PPM1H: variants seen among roughly 807,000 people sequenced by gnomAD.
PPM1H encodes the protein protein phosphatase, Mg2+/Mn2+ dependent 1H, also known as protein phosphatase 1H.
A neutral mutation model predicts 54.9 loss-of-function variants in PPM1H; 27 were observed. The ratio of observed to expected loss-of-function variants is 0.49; its 90% CI spans 0.36 to 0.68. The LOEUF (loss-of-function observed/expected upper bound fraction) is 0.68, where lower values mean the gene tolerates loss of function less well. PPM1H is among the 30% of genes least tolerant of loss of function. The pLI, the probability that PPM1H is intolerant of heterozygous loss-of-function variation, is 0.00. For synonymous variants in PPM1H, 305 were observed against 270.8 expected (o/e 1.13, Z -1.24); for missense variants, 596 against 667.8 (o/e 0.89, Z 1.19).
intron 9 of PPM1H, chr12:62,659,032 G>A (rs1474504513): frequency 2.8e-6 from 2 of 725,722 alleles, no homozygotes; most frequent in South Asian, 2.7e-5. Context: ...ATGCTGCCCA[G>A]TGGCTTCCGG....
Position 62,846,514 on chromosome 12 carries a change from T to TAAA in PPM1H, c.246-14236_246-14235insTTT, listed in dbSNP as rs1565807943. ...GATTCCGCCTCAAAAAAAAAAAAATTTTTTTTTTTTTTAACTTTTTAGCTT... is the reference window on the plus strand; with the variant it reads ...GATTCCGCCTCAAAAAAAAAAAAATTAAATTTTTTTTTTTTAACTTTTTAGCTT... On this transcript the variant is annotated intron_variant, in intron 1 of 9. Coordinates refer to ENST00000228705, the MANE Select transcript of PPM1H (RefSeq NM_020700.2). Among the ~76,000 whole-genome samples the TAAA allele has an allele frequency of 2.5e-3, 342 of 136,222 alleles. 1 individual carries two copies. The highest frequency in any genetic ancestry group is 8.7e-3 in the African/African-American group (323 of 37,026). 89.4% of individuals were successfully genotyped at this position (136,222 alleles called of 152,430 possible).
At chr12:62,924,921 T>C (rs1328520612) in intron 1 of PPM1H, among the ~76,000 whole-genome samples, 1 of 152,016 alleles carries the variant, frequency 6.6e-6, no homozygotes, top group East Asian at 1.9e-4. Flanking sequence ...CGCATGCCTG[T>C]GGTCGCAGCT....
chr12:62,775,933 T>C (rs7297013), intron 4 of PPM1H, among the ~76,000 whole-genome samples: 30,920 of 152,164 alleles, frequency 0.2, 3,955 homozygotes, highest in African/African-American at 0.36. Context: ...CGACTCACAG[T>C]TCCACATGGC....
At chr12:62,872,787 C>T (rs909002769) in intron 1 of PPM1H, among the ~76,000 whole-genome samples, 4 of 152,040 alleles carry the variant, frequency 2.6e-5, no homozygotes, top group Non-Finnish European at 4.4e-5. Context: ...ACTCTAACTG[C>T]AAATGAAATT....
chr12:62,858,989 G>A (rs1217237020), intron 1 of PPM1H, among the ~76,000 whole-genome samples: 2 of 152,040 alleles, frequency 1.3e-5, no homozygotes, highest in Non-Finnish European at 2.9e-5. Flanking sequence ...CTCATTATTT[G>A]CTTCATACTA....
intron 1 of PPM1H, among the ~76,000 whole-genome samples, chr12:62,917,329 A>G (rs1162220556): frequency 6.6e-6 from 1 of 152,268 alleles, no homozygotes; most frequent in Admixed American, 6.5e-5. Context: ...ACCTACAGAC[A>G]ACTTGGGGCT....
At chr12:62,737,668 C>G in intron 4 of PPM1H, 82 bp from the exon 5 acceptor site, 2 of 951,136 alleles carry the variant, frequency 2.1e-6, no homozygotes, top group Non-Finnish European at 3.1e-6. Context: ...GTTCAGGTCA[C>G]ACATGAAATG....
intron 8 of PPM1H, among the ~76,000 whole-genome samples, chr12:62,677,572 T>C (rs1265538472): frequency 6.6e-6 from 1 of 152,176 alleles, no homozygotes. Flanking sequence ...AAAGGTGGTA[T>C]GTCTGGATGT....
chr12:62,835,939 TA>T (rs1350425130), intron 1 of PPM1H, among the ~76,000 whole-genome samples: 1 of 152,200 alleles, frequency 6.6e-6, no homozygotes, highest in Non-Finnish European at 1.5e-5. Context: ...TTATAAAAAG[TA>T]ATTGAGAAAA....
chr12:62,864,346 TA>T (rs371126275), intron 1 of PPM1H, among the ~76,000 whole-genome samples: 23 of 152,288 alleles, frequency 1.5e-4, no homozygotes, highest in African/African-American at 4.3e-4. Context: ...AATATTGGTT[TA>T]AAAAAATCAG....
intron 5 of PPM1H, among the ~76,000 whole-genome samples, chr12:62,735,381 T>G (rs2120518704): frequency 6.6e-6 from 1 of 152,090 alleles, no homozygotes; most frequent in South Asian, 2.1e-4. Flanking sequence ...CTGGCTAATT[T>G]TTTTTTGGAT....
rs545360911 is a variant in PPM1H, at chr12:62,924,813, A to C, written c.245+9679T>G. Among the ~76,000 whole-genome samples the C allele has an allele frequency of 1.2e-4, 19 of 152,278 alleles. No individual in the cohort carries two copies. In the South Asian group the frequency reaches 3.9e-3, roughly 32 times the overall value. ...TCCCAGCGCTTTGGGAGGCAAAGGC[A>C]GGTGGATCACTTGAGCCCAGGAGTT... On this transcript the variant is annotated intron_variant, in intron 1 of 9. Transcript: ENST00000228705.
intron 1 of PPM1H, among the ~76,000 whole-genome samples, chr12:62,910,115 T>G (rs756587817): frequency 2.1e-4 from 32 of 152,048 alleles, no homozygotes; most frequent in Non-Finnish European, 4.0e-4. Flanking sequence ...TGAACCAGTA[T>G]GCACGAAAAG....
chr12:62,882,002 T>C (rs1469160446), intron 1 of PPM1H, among the ~76,000 whole-genome samples: 5 of 152,210 alleles, frequency 3.3e-5, no homozygotes, highest in Admixed American at 1.3e-4. Context: ...TATCAGGGTT[T>C]TGTCCTAAAA....
Position 62,935,077 on chromosome 12 carries a change from G to A in PPM1H, c.-341C>T, listed in dbSNP as rs1165481144. 2 of 166,598 alleles carry A rather than the reference G, an allele frequency of 1.2e-5. No homozygotes were observed. Among genetic ancestry groups the A allele is most frequent in the African/African-American group, 2.4e-5 (1 of 42,034 alleles). 10.3% of individuals were successfully genotyped at this position (166,598 alleles called of 1,614,324 possible). On this transcript the variant is annotated 5_prime_UTR_variant, in exon 1 of 10. Coordinates refer to ENST00000228705, the MANE Select transcript of PPM1H (RefSeq NM_020700.2). ...CCCCCTGCGCTCGGCTCCGGCGTGC[G>A]CTGAACTGAGCCCACCCGGCGAGCT...
chr12:62,934,419 G>A lies in PPM1H; in HGVS notation c.245+73C>T. ...GAGCCCTGAGGCCGAGAAGCAGGGA[G>A]AGAAGAGGGCTGGAACCGTGCGGGG... On this transcript the variant is annotated intron_variant, in intron 1 of 9. Transcript: ENST00000228705. This position sits in a 1 kb window ranked among gnomAD's most constrained non-coding sequence, Gnocchi z 4.2. 1 of 1,416,944 alleles carries A rather than the reference G, an allele frequency of 7.1e-7. No homozygotes were observed. 87.8% of individuals were successfully genotyped at this position (1,416,944 alleles called of 1,614,324 possible). A position where few individuals can be genotyped will look rare whatever the true frequency, so the allele number is the denominator to read the frequency against.
intron 2 of PPM1H, among the ~76,000 whole-genome samples, chr12:62,823,826 T>A (rs1217211985): frequency 6.6e-6 from 1 of 152,194 alleles, no homozygotes; most frequent in Admixed American, 6.5e-5. Flanking sequence ...GCATTCCCTT[T>A]GAAAACTGGC....
At chr12:62,771,295 G>C (rs1307006664) in intron 4 of PPM1H, among the ~76,000 whole-genome samples, 4 of 131,968 alleles carry the variant, frequency 3.0e-5, no homozygotes, top group African/African-American at 5.6e-5. Flanking sequence ...ACTTTGTGAA[G>C]ACACACACAC....
At chr12:62,837,108 T>C (rs1868525453) in intron 1 of PPM1H, among the ~76,000 whole-genome samples, 1 of 152,162 alleles carries the variant, frequency 6.6e-6, no homozygotes, top group African/African-American at 2.4e-5. Flanking sequence ...GAAAACTCAT[T>C]TTTCTTCTAT....
Sources: gnomAD v4.1 joint callset for allele counts (sites outside exome capture counted in the v4.1 genomes callset) on GRCh38, gnomAD v4.1.1 for gene constraint, Gnocchi (gnomAD v3.1) non-coding constraint, MANE v1.5 for transcripts, NCBI Gene and HGNC (gene_info 2026-07-23, HGNC 2026-07-21) for gene names.